The following GPR39 variants were observed in gnomAD, a reference collection of about 807,000 sequenced individuals.
GPR39 encodes the protein zinc sensing receptor.
Under a neutral mutation model 18.4 loss-of-function variants are expected in GPR39, and 23 were observed. The ratio of observed to expected loss-of-function variants is 1.25; its 90% confidence interval spans 0.90 to 1.77. The LOEUF (loss-of-function observed/expected upper bound fraction) is 1.77, where lower values mean the gene tolerates loss of function less well. Among genes scored for constraint, GPR39 ranks in the 40% most tolerant of loss-of-function variants. The pLI is 0.00. For synonymous variants in GPR39, 280 were observed against 257.9 expected, an observed-to-expected ratio of 1.09 and a Z score of -0.82; for missense variants, 647 against 602.4, an observed-to-expected ratio of 1.07 and a Z score of -0.78.
Position 132,645,387 on chromosome 2 carries a change from C to A in GPR39, c.1143C>A (p.Thr381=). 1 of 1,613,816 alleles carries A rather than the reference C, an allele frequency of 6.2e-7. No individual in the cohort carries two copies. Among genetic ancestry groups the A allele is most frequent in the Non-Finnish European group, 8.5e-7 (1 of 1,180,010 alleles). ...GCCTGCGCGTACATGCGCACTCCACCACCGACAGCGCCCGCTTTGTGCAGC... is the reference window on the plus strand; with the variant it reads ...GCCTGCGCGTACATGCGCACTCCACAACCGACAGCGCCCGCTTTGTGCAGC... ...EKRLRVHAHS[T]TDSARFVQRP... is the part of the protein sequence containing the mutation. Residue 381 remains threonine, a synonymous_variant, in exon 2 of 2, where the codon ACC becomes ACA. Transcript: ENST00000329321.
At chr2:132,465,173 A>G (rs1187383120) in intron 1 of GPR39, among the ~76,000 whole-genome samples, 2 of 152,186 alleles carry the variant, frequency 1.3e-5, no homozygotes, top group Non-Finnish European at 2.9e-5. Flanking sequence ...CTCAATGAGA[A>G]GGTTAAAACA....
chr2:132,583,429 A>C (rs997618395), intron 1 of GPR39, among the ~76,000 whole-genome samples: 6 of 151,734 alleles, frequency 4.0e-5, no homozygotes, highest in Non-Finnish European at 8.8e-5. Context: ...ATCTAACTTA[A>C]AATAGACTCT....
chr2:132,611,279 G>T (rs1681234626), intron 1 of GPR39, among the ~76,000 whole-genome samples: 2 of 152,218 alleles, frequency 1.3e-5, no homozygotes, highest in African/African-American at 4.8e-5. Flanking sequence ...CTGGCTTCTA[G>T]ATTTATTAGG....
intron 1 of GPR39, among the ~76,000 whole-genome samples, chr2:132,510,746 G>A (rs1679224904): frequency 6.6e-6 from 1 of 152,140 alleles, no homozygotes; most frequent in South Asian, 2.1e-4. Context: ...TGATAAAATG[G>A]ATAAGGAACA....
chr2:132,529,294 C>T (rs868086951), intron 1 of GPR39, among the ~76,000 whole-genome samples: 39 of 152,246 alleles, frequency 2.6e-4, no homozygotes, highest in African/African-American at 6.7e-4. Context: ...AAGGCGGCAG[C>T]GAGGCTGGGG....
intron 1 of GPR39, among the ~76,000 whole-genome samples, chr2:132,427,571 A>T (rs983092349): frequency 1.3e-5 from 2 of 150,878 alleles, no homozygotes; most frequent in Non-Finnish European, 3.0e-5. Flanking sequence ...GGAGACATAT[A>T]CTCAGCAGAA....
intron 1 of GPR39, among the ~76,000 whole-genome samples, chr2:132,430,854 G>C (rs1390759529): frequency 6.6e-6 from 1 of 152,214 alleles, no homozygotes; most frequent in Non-Finnish European, 1.5e-5. Flanking sequence ...TTAGTGATGT[G>C]CTCTGACATT....
intron 1 of GPR39, among the ~76,000 whole-genome samples, chr2:132,439,037 A>G (rs914343619): frequency 2.0e-5 from 3 of 152,226 alleles, no homozygotes; most frequent in Admixed American, 1.3e-4. Context: ...AATAACATTC[A>G]TAAGAGTATT....
At chr2:132,490,724 T>C (rs1299395380) in intron 1 of GPR39, among the ~76,000 whole-genome samples, 3 of 151,480 alleles carry the variant, frequency 2.0e-5, no homozygotes, top group Non-Finnish European at 2.9e-5. Context: ...CTGAACAGGG[T>C]GAGGGAGGTA....
At chr2:132,610,595 G>A (rs923720078) in intron 1 of GPR39, among the ~76,000 whole-genome samples, 9 of 151,914 alleles carry the variant, frequency 5.9e-5, no homozygotes, top group African/African-American at 1.7e-4. Context: ...TGGCCAACGC[G>A]GTGAAACCCT....
At chr2:132,420,389 CT>C (rs1426727786) in intron 1 of GPR39, among the ~76,000 whole-genome samples, 1 of 152,158 alleles carries the variant, frequency 6.6e-6, no homozygotes, top group Non-Finnish European at 1.5e-5. Flanking sequence ...AAATCATGGC[CT>C]GCATTCATCA....
At chr2:132,620,357 A>G (rs942971605) in intron 1 of GPR39, among the ~76,000 whole-genome samples, 1 of 152,024 alleles carries the variant, frequency 6.6e-6, no homozygotes, top group African/African-American at 2.4e-5. Context: ...GGATCTCGCA[A>G]TATCTTCTGG....
chr2:132,618,803 A>G (rs958602167), intron 1 of GPR39, among the ~76,000 whole-genome samples: 6 of 152,240 alleles, frequency 3.9e-5, no homozygotes, highest in Non-Finnish European at 5.9e-5. Flanking sequence ...ACTTAATGCC[A>G]GGCTGCTGGC....
At chr2:132,465,536 T>TGGCAAAGAGCATGGTAGCCAATAAGGA (rs1205379329) in intron 1 of GPR39, among the ~76,000 whole-genome samples, 4 of 152,200 alleles carry the variant, frequency 2.6e-5, no homozygotes, top group Admixed American at 2.0e-4. Flanking sequence ...AGTCCCTGGA[T>TGGCAAAGAGCATGGTAGCCAATAAGGA]GGCAAAGAGC....
intron 1 of GPR39, among the ~76,000 whole-genome samples, chr2:132,455,378 C>T (rs1299202167): frequency 1.3e-5 from 2 of 152,086 alleles, no homozygotes; most frequent in Admixed American, 6.6e-5. Context: ...CTCTTTTCTT[C>T]TTTATTAGTC....
intron 1 of GPR39, among the ~76,000 whole-genome samples, chr2:132,477,825 C>G (rs1445163355): frequency 1.3e-5 from 2 of 152,180 alleles, no homozygotes; most frequent in Non-Finnish European, 2.9e-5. Context: ...TTGCCTTTCT[C>G]TTTTCATCTT....
chr2:132,465,069 A>T (rs989301446), intron 1 of GPR39, among the ~76,000 whole-genome samples: 3 of 152,244 alleles, frequency 2.0e-5, no homozygotes, highest in Non-Finnish European at 4.4e-5. Context: ...TGGATTTGAG[A>T]CATAATTCAT....
rs185254114 is a variant in GPR39 at position 132,477,108 on chromosome 2, T to C, written c.856+59210T>C. On this transcript the variant is annotated intron_variant, in intron 1 of 1. Coordinates refer to ENST00000329321, the MANE Select transcript of GPR39 (RefSeq NM_001508.3). ...CCCATCTGTTTTTACATGGACCCAG[T>C]GGGAATAATAATTGCTGCAGTGATT... Among the ~76,000 whole-genome samples the C allele has an allele frequency of 2.6e-4, 40 of 152,302 alleles. No homozygotes were observed. The East Asian group carries it at 7.3e-3, about 28-fold the overall frequency.
chr2:132,501,613 CTTAAGTCCATTGT>C lies in GPR39; in HGVS notation c.856+83731_856+83743del, dbSNP rs529273008. ...AAGTCCATTTGTTGTAGGTTATAGA[CTTAAGTCCATTGT>C]TTAAGTCCATTGTTTCTTTGTTGAC... On this transcript the variant is annotated intron_variant, in intron 1 of 1. Coordinates refer to ENST00000329321, the MANE Select transcript of GPR39 (RefSeq NM_001508.3). Among the ~76,000 whole-genome samples, 40 of 152,142 alleles carry C rather than the reference CTTAAGTCCATTGT, an allele frequency of 2.6e-4. No individual in the cohort carries two copies. In the East Asian group the frequency reaches 7.7e-3, roughly 29 times the overall value.
Sources: gnomAD v4.1 joint callset for allele counts (sites outside exome capture counted in the v4.1 genomes callset) on GRCh38, gnomAD v4.1.1 for gene constraint, MANE v1.5 for transcripts, NCBI Gene and HGNC (gene_info 2026-07-23, HGNC 2026-07-21) for gene names.